Variants in ATG13 observed in about 807,000 individuals in gnomAD.
ATG13 encodes autophagy related 13.
A neutral mutation model predicts 65.5 loss-of-function variants in ATG13; 23 were observed. The observed-to-expected ratio is 0.35, with a 90% CI of 0.25 to 0.50. The LOEUF (loss-of-function observed/expected upper bound fraction) is 0.50. Among genes scored for constraint, ATG13 ranks in the 20% least tolerant of loss-of-function variants. ATG13 has a pLI of 0.98. For synonymous variants in ATG13, 252 were observed against 245.2 expected, an observed-to-expected ratio of 1.03 and a Z score of -0.26; for missense variants, 566 against 677.0, an observed-to-expected ratio of 0.84 and a Z score of 1.82.
rs772557575 is a variant in ATG13, at chr11:46,659,499, G to A, written c.789+14G>A. On this transcript the variant is annotated intron_variant, in intron 11 of 18. Transcript: ENST00000683050. ...CCACCATCCCAGGTAGGGGGAAGCA[G>A]GTTCTGGGGTGGTGGTAGTTATTTG... 1 of 1,598,672 alleles carries A rather than the reference G, an allele frequency of 6.3e-7. No homozygotes were observed. The highest frequency in any genetic ancestry group is 1.1e-5 in the South Asian group (1 of 90,726).
chr11:46,657,946 A>G (rs751204147), intron 10 of ATG13, among the ~76,000 whole-genome samples: 24 of 152,194 alleles, frequency 1.6e-4, no homozygotes, highest in Admixed American at 5.9e-4. Context: ...GCACATGCCT[A>G]TAATCCCAGC....
rs1352787233 is a variant in ATG13 at position 46,664,858 on chromosome 11, T to C, written c.898T>C (p.Ser300Pro). ...TTTTTCTCTTGCTTAGCTCTCAAGC[T>C]CTCGCCTTTCCTATCAGCCTGCTGC... is the stretch of plus-strand genomic sequence containing the variant. ...GLAFSHQLSS[S>P]RLSYQPAALG... Residue 300 changes from serine (S) to proline (P), a missense_variant, in exon 13 of 19, where the codon TCT (serine) becomes CCT (proline). Ser to Pro is a moderately conservative substitution (Grantham distance 74). Coordinates refer to ENST00000683050, the MANE Select transcript of ATG13 (RefSeq NM_001346311.2). 2 of 1,613,848 alleles carry C rather than the reference T, an allele frequency of 1.2e-6. No individual in the cohort carries two copies. The highest frequency in any genetic ancestry group is 1.7e-6 in the Non-Finnish European group (2 of 1,179,742).
chr11:46,668,489 GTC>G lies in ATG13; in HGVS notation c.1252-6_1252-5del. ...GCAGGCATGAATGCTTTTCTCCTGT[GTC>G]TCTTCAGGTGACCCTGACGAGTTTG... On this transcript the variant is annotated splice_polypyrimidine_tract_variant and splice_region_variant and intron_variant, in intron 15 of 18. Coordinates refer to ENST00000683050, the MANE Select transcript of ATG13 (RefSeq NM_001346311.2). 6.2e-7 allele frequency: 1 copy of G among 1,613,624 alleles called. No individual in the cohort carries two copies. Among genetic ancestry groups the G allele is most frequent in the Non-Finnish European group, 8.5e-7 (1 of 1,179,502 alleles).
chr11:46,648,500 C>A (rs982709159), intron 5 of ATG13, among the ~76,000 whole-genome samples: 1 of 151,566 alleles, frequency 6.6e-6, no homozygotes, highest in Non-Finnish European at 1.5e-5. Flanking sequence ...CAACCTTGGC[C>A]GGGCGCAGTG....
In ATG13 at chr11:46,645,813, T is replaced by C. The variant is rs2057376304; in HGVS notation, c.151-57T>C. ...TTGCATTACCCAGCATACACTAATT[T>C]CTTTTTCCATAATGTTCCTGTGAGT... is the stretch of plus-strand genomic sequence containing the variant. On this transcript the variant is annotated intron_variant, in intron 4 of 18. Coordinates refer to ENST00000683050, the MANE Select transcript of ATG13 (RefSeq NM_001346311.2). 4 of 1,607,884 alleles carry C rather than the reference T, an allele frequency of 2.5e-6. No homozygotes were observed. In the South Asian group the frequency reaches 4.4e-5, roughly 18 times the overall value.
intron 13 of ATG13, 144 bp from the exon 14 acceptor site, chr11:46,665,239 G>T: frequency 1.9e-6 from 2 of 1,049,148 alleles, no homozygotes; most frequent in Non-Finnish European, 1.4e-6. Flanking sequence ...TTTCAGAGAG[G>T]ATAAAGATCC....
intron 7 of ATG13, among the ~76,000 whole-genome samples, chr11:46,654,801 A>G (rs2059680179): frequency 1.3e-5 from 2 of 151,928 alleles, no homozygotes; most frequent in African/African-American, 4.8e-5. Context: ...ATTATTTTTA[A>G]AAAACCCGAA....
intron 7 of ATG13, among the ~76,000 whole-genome samples, chr11:46,651,196 TG>T (rs1326575584): frequency 6.6e-6 from 1 of 152,160 alleles, no homozygotes; most frequent in African/African-American, 2.4e-5. Context: ...ATTTGATACA[TG>T]TATAATTACT....
rs764867311 is a variant in ATG13, at chr11:46,669,522, C to T, written c.1565C>T (p.Ala522Val). 21 of 1,613,874 alleles carry T rather than the reference C, an allele frequency of 1.3e-5. No individual in the cohort carries two copies. The highest frequency in any genetic ancestry group is 8.5e-6 in the Non-Finnish European group (10 of 1,179,940). ...LSIDIGAQSM[A>V]EDLDSLPEKL... is the part of the protein sequence containing the mutation. ...ATAGATATTGGAGCACAGTCCATGG[C>T]TGAAGACTTGGTATGGAAACGTCTT... is the stretch of plus-strand genomic sequence containing the variant. Residue 522 changes from alanine (A) to valine (V), a missense_variant, in exon 18 of 19, where the codon GCT becomes GTT. This residue lies in a region of ATG13 where 387 missense variants were observed against 409.8 expected (regional missense o/e 0.94). Transcript: ENST00000683050.
intron 2 of ATG13, among the ~76,000 whole-genome samples, chr11:46,640,154 A>G (rs937342011): frequency 1.3e-5 from 2 of 152,258 alleles, no homozygotes; most frequent in Non-Finnish European, 1.5e-5. Flanking sequence ...TATTTAAGCA[A>G]TTCTTAAACA....
chr11:46,670,680 C>T (rs2063516512), intron 18 of ATG13, among the ~76,000 whole-genome samples: 2 of 151,834 alleles, frequency 1.3e-5, no homozygotes, highest in Non-Finnish European at 2.9e-5. Flanking sequence ...TGGTGGCATC[C>T]GTCTGTAGTT....
At chr11:46,643,604 T>C (rs2056759042) in intron 2 of ATG13, among the ~76,000 whole-genome samples, 1 of 150,808 alleles carries the variant, frequency 6.6e-6, no homozygotes, top group Admixed American at 6.6e-5. Flanking sequence ...CATTTCAACC[T>C]GGGAGGGCTT....
rs573399132 is a variant in ATG13 at position 46,625,784 on chromosome 11, A to C, written c.-69-4261A>C. On this transcript the variant is annotated intron_variant, in intron 1 of 18. Transcript: ENST00000683050. ...TTACATTTGTGGTGTTACAACATAC[A>C]GAAGAACAGTTGTTCCTTTAGGTGG... Among the ~76,000 whole-genome samples, 30 of 152,328 alleles carry C rather than the reference A, an allele frequency of 2.0e-4. No homozygotes were observed. In the East Asian group the frequency reaches 2.3e-3, roughly 12 times the overall value.
chr11:46,664,287 C>G, intron 12 of ATG13, 192 bp downstream of exon 12: 2 of 527,640 alleles, frequency 3.8e-6, no homozygotes, highest in East Asian at 3.2e-5. Context: ...TCATCTGCCC[C>G]TCCTCCTACC....
Position 46,622,434 on chromosome 11 carries a change from T to C in ATG13, c.-70+4544T>C, listed in dbSNP as rs1181998077. On this transcript the variant is annotated intron_variant, in intron 1 of 18. Transcript: ENST00000683050. ...ACCTGGCCAAGAATGCATTAAAATA[T>C]TTTAAATAATTTTTTGTTGTTTAAA... Among the ~76,000 whole-genome samples the C allele has an allele frequency of 2.0e-5, 3 of 152,104 alleles. No homozygotes were observed. In the South Asian group the frequency reaches 6.2e-4, roughly 31 times the overall value.
Position 46,624,633 on chromosome 11 carries a change from G to A in ATG13, c.-69-5412G>A, listed in dbSNP as rs571066410. Among the ~76,000 whole-genome samples, 15 of 152,180 alleles carry A rather than the reference G, an allele frequency of 9.9e-5. No individual in the cohort carries two copies. In the East Asian group the frequency reaches 1.9e-3, roughly 20 times the overall value. ...CAGGTTATACAGTTTTAGCAAGAAA[G>A]CTATGTAAGTAATACATCACATCAG... On this transcript the variant is annotated intron_variant, in intron 1 of 18. Transcript: ENST00000683050.
chr11:46,618,572 A>C (rs897357958), intron 1 of ATG13, among the ~76,000 whole-genome samples: 1 of 152,230 alleles, frequency 6.6e-6, no homozygotes, highest in Non-Finnish European at 1.5e-5. Context: ...CTTAGTTTAA[A>C]ACTCATCTCC....
intron 2 of ATG13, among the ~76,000 whole-genome samples, chr11:46,643,587 CTCAAATCAT>C (rs1338193159): frequency 6.7e-6 from 1 of 150,036 alleles, no homozygotes; most frequent in Non-Finnish European, 1.5e-5. Context: ...CTCAAATCAT[CTCAAATCAT>C]TTCAACCTGG....
chr11:46,652,681 C>G (rs148334894), intron 7 of ATG13, among the ~76,000 whole-genome samples: 158 of 152,230 alleles, frequency 1.0e-3, no homozygotes, highest in Non-Finnish European at 1.9e-3. Flanking sequence ...CCACTGCACT[C>G]CAGCCTGGGT....
Sources: allele counts gnomAD v4.1 joint callset (sites outside exome capture counted in the v4.1 genomes callset), GRCh38; gene constraint gnomAD v4.1.1; regional missense constraint gnomAD v4.1.1; transcripts MANE v1.5; gene names NCBI Gene and HGNC (gene_info 2026-07-23, HGNC 2026-07-21).